Variants in ROBO1 observed in about 807,000 individuals in gnomAD.
ROBO1 encodes the protein roundabout homolog 1.
ROBO1 carries 149 observed loss-of-function variants against 195.9 expected under a neutral mutation model. That is an observed-to-expected ratio of 0.76 (90% CI 0.67 to 0.87). The LOEUF (loss-of-function observed/expected upper bound fraction) is 0.87, where lower values mean the gene tolerates loss of function less well. ROBO1 is among the 40% of genes least tolerant of loss of function. The pLI is 0.00. For synonymous variants in ROBO1, 816 were observed against 733.2 expected (o/e 1.11, Z -1.82); for missense variants, 1,933 against 2,068.3 (o/e 0.93, Z 1.27).
intron 2 of ROBO1, among the ~76,000 whole-genome samples, chr3:79,520,087 A>T (rs1482639521): frequency 6.6e-6 from 1 of 150,834 alleles, no homozygotes; most frequent in Non-Finnish European, 1.5e-5. Flanking sequence ...GCTTGAGCCC[A>T]GGGGGTCGAG....
chr3:79,682,028 C>T (rs916323698), intron 1 of ROBO1, among the ~76,000 whole-genome samples: 1 of 151,902 alleles, frequency 6.6e-6, no homozygotes, highest in African/African-American at 2.4e-5. Flanking sequence ...ATAGAACAAT[C>T]AAGCAAAATG....
At chr3:78,759,785 C>G (rs1229264740) in intron 4 of ROBO1, among the ~76,000 whole-genome samples, 1 of 152,136 alleles carries the variant, frequency 6.6e-6, no homozygotes, top group Non-Finnish European at 1.5e-5. Context: ...GTCTTCACAT[C>G]TCTGAAAATG....
At chr3:78,863,555 G>A (rs533603569) in intron 4 of ROBO1, among the ~76,000 whole-genome samples, 61 of 152,260 alleles carry the variant, frequency 4.0e-4, no homozygotes, top group African/African-American at 1.4e-3. Flanking sequence ...CCCTACCACT[G>A]AGCCAACAGC....
intron 2 of ROBO1, among the ~76,000 whole-genome samples, chr3:79,189,321 TACCCACCC>T (rs2081497657): frequency 6.6e-6 from 1 of 151,872 alleles, no homozygotes; most frequent in East Asian, 1.9e-4. Context: ...TTAGAATAGA[TACCCACCC>T]ACACACCAAT....
At chr3:79,472,611 T>G in intron 2 of ROBO1, among the ~76,000 whole-genome samples, 1 of 152,280 alleles carries the variant, frequency 6.6e-6, no homozygotes, top group East Asian at 1.9e-4. Context: ...AGAGAAAAGC[T>G]AAAATGCAAC....
Position 78,627,487 on chromosome 3 carries a change from G to C in ROBO1, c.3709C>G (p.Arg1237Gly), listed in dbSNP as rs553326251. 11 of 1,612,938 alleles carry C rather than the reference G, an allele frequency of 6.8e-6. No homozygotes were observed. In the East Asian group the frequency reaches 2.5e-4, roughly 36 times the overall value. The change falls in exon 26 of 31, where the codon CGA becomes GGA. Residue 1237 changes from arginine (R) to glycine (G), a missense_variant. Around this residue, in one of 3 missense-constraint regions of ROBO1, gnomAD observed 1,737 missense variants for 1,882.5 expected, o/e 0.92. Transcript: ENST00000464233. ...CCCCGAACAGGGGGAGTGGGGCCTCGTTCATCTTCCTCCTCTTCTAATTCA... is the reference window on the plus strand; with the variant it reads ...CCCCGAACAGGGGGAGTGGGGCCTCCTTCATCTTCCTCCTCTTCTAATTCA... ...QDELEEEEDE[R>G]GPTPPVRGAA...
At chr3:79,003,510 T>A (rs1444589426) in intron 3 of ROBO1, among the ~76,000 whole-genome samples, 3 of 152,140 alleles carry the variant, frequency 2.0e-5, no homozygotes, top group Non-Finnish European at 4.4e-5. Context: ...CTCTTTCAAG[T>A]ACTTTACATA....
At chr3:79,292,966 T>C (rs1250215123) in intron 2 of ROBO1, among the ~76,000 whole-genome samples, 2 of 152,206 alleles carry the variant, frequency 1.3e-5, no homozygotes, top group East Asian at 3.8e-4. Context: ...AGCTCCTCTT[T>C]GTACCTCTGG....
chr3:79,057,072 T>C (rs917636410), intron 3 of ROBO1, among the ~76,000 whole-genome samples: 6 of 152,034 alleles, frequency 3.9e-5, no homozygotes, highest in African/African-American at 1.2e-4. Flanking sequence ...AGAAAACAAA[T>C]TGTTTGATTT....
chr3:78,874,315 A>T (rs2035713997), intron 4 of ROBO1, among the ~76,000 whole-genome samples: 1 of 151,954 alleles, frequency 6.6e-6, no homozygotes, highest in East Asian at 1.9e-4. Context: ...ATAAAACTCC[A>T]TGTTGTGAAA....
intron 4 of ROBO1, among the ~76,000 whole-genome samples, chr3:78,894,344 A>G (rs895853122): frequency 2.0e-5 from 3 of 152,180 alleles, no homozygotes; most frequent in Non-Finnish European, 4.4e-5. Context: ...ACCATAGGTA[A>G]TTTACATTTT....
intron 4 of ROBO1, among the ~76,000 whole-genome samples, chr3:78,899,795 T>C (rs1239719526): frequency 6.6e-6 from 1 of 152,038 alleles, no homozygotes; most frequent in Admixed American, 6.6e-5. Flanking sequence ...AAAAATAATA[T>C]TACCTAAAAA....
At chr3:78,771,411 G>GT (rs1320248348) in intron 4 of ROBO1, among the ~76,000 whole-genome samples, 3 of 152,250 alleles carry the variant, frequency 2.0e-5, no homozygotes, top group Admixed American at 2.0e-4. Context: ...TTTTAGAATA[G>GT]TTTTTTCTAG....
chr3:79,097,260 ATTTACT>A (rs2079587396), intron 3 of ROBO1, among the ~76,000 whole-genome samples: 1 of 151,794 alleles, frequency 6.6e-6, no homozygotes, highest in African/African-American at 2.4e-5. Flanking sequence ...TAAATTACTG[ATTTACT>A]TTTAGAGACA....
chr3:78,957,237 A>G (rs2041092596), intron 3 of ROBO1, among the ~76,000 whole-genome samples: 1 of 151,828 alleles, frequency 6.6e-6, no homozygotes. Context: ...TATTCACTCG[A>G]AATATATGTA....
At chr3:79,550,047 C>T (rs2107668961) in intron 2 of ROBO1, among the ~76,000 whole-genome samples, 3 of 151,754 alleles carry the variant, frequency 2.0e-5, no homozygotes. Context: ...ATCACTTAAG[C>T]ATGGGACTTC....
At chr3:79,395,321 CAAA>C (rs71631647) in intron 2 of ROBO1, among the ~76,000 whole-genome samples, 14 of 50,166 alleles carry the variant, frequency 2.8e-4, no homozygotes, top group Admixed American at 2.1e-3. Context: ...GACTCCGTCT[CAAA>C]AAAAAAAAAA....
At chr3:78,873,934 G>C (rs756797459) in intron 4 of ROBO1, among the ~76,000 whole-genome samples, 9 of 151,818 alleles carry the variant, frequency 5.9e-5, no homozygotes, top group Non-Finnish European at 8.8e-5. Context: ...CAAGCAACTT[G>C]TCTAAATTTG....
At chr3:79,673,994 A>G (rs1946709353) in intron 1 of ROBO1, among the ~76,000 whole-genome samples, 1 of 152,056 alleles carries the variant, frequency 6.6e-6, no homozygotes, top group Non-Finnish European at 1.5e-5. Flanking sequence ...ATTAGTATTT[A>G]TAAATCAAAG....
Sources: gnomAD v4.1 joint callset for allele counts (sites outside exome capture counted in the v4.1 genomes callset) on GRCh38, gnomAD v4.1.1 for gene constraint, gnomAD v4.1.1 regional missense constraint, MANE v1.5 for transcripts, NCBI Gene and HGNC (gene_info 2026-07-23, HGNC 2026-07-21) for gene names.